The following MYH11 variants were observed in gnomAD, a reference collection of about 807,000 sequenced individuals.
MYH11 encodes the protein myosin heavy chain 11.
MYH11 carries 80 observed loss-of-function variants against 246.6 expected under a neutral mutation model. The observed-to-expected ratio is 0.32, with a 90% CI of 0.27 to 0.39. The LOEUF (loss-of-function observed/expected upper bound fraction) is 0.39. Among genes scored for constraint, MYH11 ranks in the 10% least tolerant of loss-of-function variants. The pLI, the probability that MYH11 is intolerant of heterozygous loss-of-function variation, is 1.00. For synonymous variants in MYH11, 1,071 were observed against 1,015.5 expected (o/e 1.05, Z -1.04); for missense variants, 2,158 against 2,546.8 (o/e 0.85, Z 3.29).
intron 4 of MYH11, chr16:15,791,459 G>A (rs1006983639): frequency 1.3e-5 from 2 of 152,002 alleles, no homozygotes; most frequent in African/African-American, 2.4e-5. Context: ...ACTCCTACAC[G>A]TCCTGCAAAA....
intron 3 of MYH11, among the ~76,000 whole-genome samples, chr16:15,800,376 G>GTGGT (rs1335890222): frequency 5.9e-5 from 9 of 151,884 alleles, no homozygotes; most frequent in African/African-American, 1.9e-4. Context: ...GGGTGGGTGG[G>GTGGT]TAGGTGGACG....
intron 40 of MYH11, 56 bp downstream of exon 40, chr16:15,714,853 C>T: frequency 2.5e-6 from 4 of 1,606,490 alleles, no homozygotes. Flanking sequence ...GCCCGAGCCC[C>T]CAGTGCTTTT....
chr16:15,708,916 G>T, intron 40 of MYH11: 1 of 1,387,264 alleles, frequency 7.2e-7, no homozygotes, highest in Non-Finnish European at 1.0e-6. Flanking sequence ...ATTCTTAATT[G>T]TTAAAGACAT....
chr16:15,850,351 C>T (rs1276318022), intron 1 of MYH11, among the ~76,000 whole-genome samples: 1 of 152,076 alleles, frequency 6.6e-6, no homozygotes, highest in Non-Finnish European at 1.5e-5. Flanking sequence ...CATCACTGCA[C>T]TCCAGCCTGG....
intron 2 of MYH11, among the ~76,000 whole-genome samples, chr16:15,827,631 G>A (rs1398476752): frequency 2.0e-5 from 3 of 152,180 alleles, no homozygotes; most frequent in Non-Finnish European, 4.4e-5. Flanking sequence ...TGAGTCCGGG[G>A]AACCCCCTTT....
At chr16:15,843,686 T>G (rs1252851183) in intron 1 of MYH11, among the ~76,000 whole-genome samples, 1 of 136,322 alleles carries the variant, frequency 7.3e-6, no homozygotes, top group Non-Finnish European at 1.6e-5. Context: ...GACGACAGAG[T>G]GAGACTCCGT....
Position 15,823,376 on chromosome 16 carries a change from G to C in MYH11, c.381C>G (p.Pro127=), listed in dbSNP as rs765679829. 6.2e-7 allele frequency: 1 copy of C among 1,614,146 alleles called. No homozygotes were observed. The highest frequency in any genetic ancestry group is 8.5e-7 in the Non-Finnish European group (1 of 1,180,046). The change falls in exon 3 of 41, where the codon CCC becomes CCG. Residue 127 remains proline, a synonymous_variant. Coordinates refer to ENST00000300036, the MANE Select transcript of MYH11 (RefSeq NM_002474.3). ...YSGLFCVVVN[P]YKHLPIYSEK... ...CCGAGTAGATGGGCAGGTGTTTATAGGGGTTGACCACCACGCAGAAGAGGC... is the reference window on the plus strand; with the variant it reads ...CCGAGTAGATGGGCAGGTGTTTATACGGGTTGACCACCACGCAGAAGAGGC...
At chr16:15,756,225 A>G in intron 14 of MYH11, 116 bp downstream of exon 14, 1 of 1,148,780 alleles carries the variant, frequency 8.7e-7, no homozygotes, top group Non-Finnish European at 1.3e-6. Context: ...GCTTAGCAGC[A>G]GATGGCTTTG....
chr16:15,810,654 C>A (rs1294769631), intron 3 of MYH11, among the ~76,000 whole-genome samples: 1 of 152,206 alleles, frequency 6.6e-6, no homozygotes, highest in Admixed American at 6.5e-5. Context: ...ACTGCCTCTG[C>A]AGAGAAACAG....
intron 23 of MYH11, among the ~76,000 whole-genome samples, 195 bp downstream of exon 23, chr16:15,739,856 C>T (rs1453507692): frequency 6.6e-6 from 1 of 152,152 alleles, no homozygotes; most frequent in Non-Finnish European, 1.5e-5. Flanking sequence ...ATTCTCCTGC[C>T]TCAGCCTCCC....
At chr16:15,827,410 C>T (rs1048211108) in intron 2 of MYH11, among the ~76,000 whole-genome samples, 6 of 152,148 alleles carry the variant, frequency 3.9e-5, no homozygotes, top group East Asian at 1.9e-4. Flanking sequence ...ACACGGGGTC[C>T]GTGGGGGTGA....
At chr16:15,802,331 T>C (rs2042907511) in intron 3 of MYH11, among the ~76,000 whole-genome samples, 1 of 152,188 alleles carries the variant, frequency 6.6e-6, no homozygotes, top group Non-Finnish European at 1.5e-5. Flanking sequence ...ATTGCCTCCA[T>C]TTTACAAATA....
At chr16:15,743,392 C>T (rs2041329683) in intron 20 of MYH11, among the ~76,000 whole-genome samples, 1 of 152,180 alleles carries the variant, frequency 6.6e-6, no homozygotes, top group Non-Finnish European at 1.5e-5. Flanking sequence ...TGGTTTCGAA[C>T]TCGTGAACCC....
chr16:15,721,457 C>A lies in MYH11; in HGVS notation c.4543G>T (p.Asp1515Tyr). 1 of 1,614,224 alleles carries A rather than the reference C, an allele frequency of 6.2e-7. No homozygotes were observed. The highest frequency in any genetic ancestry group is 8.5e-7 in the Non-Finnish European group (1 of 1,180,044). ...ACGTCATCCTTGGAGCTGACCAGGT[C>A]TTCCATTTCGGCTTTGAGCATTTTG... Reference protein sequence around the residue: ...TNKMLKAEMEDLVSSKDDVGK... With the variant: ...TNKMLKAEMEYLVSSKDDVGK... The change falls in exon 32 of 41, where the codon GAC becomes TAC. Residue 1515 changes from aspartate (D) to tyrosine (Y), a missense_variant. Asp to Tyr is a radical substitution (Grantham distance 160). Around this residue, in one of 11 missense-constraint regions of MYH11, gnomAD observed 1,013 missense variants for 993.5 expected, o/e 1.02. Coordinates refer to ENST00000300036, the MANE Select transcript of MYH11 (RefSeq NM_002474.3).
chr16:15,718,270 G>A (rs1596709023), intron 37 of MYH11, 45 bp downstream of exon 37: 2 of 1,604,942 alleles, frequency 1.2e-6, no homozygotes, highest in Non-Finnish European at 8.5e-7. Context: ...CCTGCTGCAG[G>A]AGAGACAGTA....
chr16:15,720,709 G>T, intron 33 of MYH11, 130 bp downstream of exon 33: 1 of 1,034,270 alleles, frequency 9.7e-7, no homozygotes, highest in Non-Finnish European at 1.5e-6. Context: ...CTCCAGCCTG[G>T]GCGACAGAGC....
intron 1 of MYH11, among the ~76,000 whole-genome samples, chr16:15,846,587 G>T (rs1005856813): frequency 6.6e-6 from 1 of 152,130 alleles, no homozygotes. Context: ...CATGGCTCAC[G>T]CCTGTAATCC....
rs143266779 is a variant in MYH11 at position 15,777,132 on chromosome 16, C to T, written c.791-956G>A. 2.6e-4 allele frequency among the ~76,000 whole-genome samples: 39 copies of T among 152,148 alleles called. 1 individual carries two copies. In the East Asian group the frequency reaches 6.2e-3, roughly 24 times the overall value. On this transcript the variant is annotated intron_variant, in intron 7 of 40. Coordinates refer to ENST00000300036, the MANE Select transcript of MYH11 (RefSeq NM_002474.3). ...ACACACACACACACACACACACGCA[C>T]GTATGTTTGAGCCAGAGTCTCGCTC...
At chr16:15,762,314 A>C (rs2041886153) in intron 10 of MYH11, among the ~76,000 whole-genome samples, 1 of 152,152 alleles carries the variant, frequency 6.6e-6, no homozygotes, top group African/African-American at 2.4e-5. Flanking sequence ...CCTTTCCCAA[A>C]ACAAACCCCC....
Sources: allele counts gnomAD v4.1 joint callset (sites outside exome capture counted in the v4.1 genomes callset), GRCh38; gene constraint gnomAD v4.1.1; regional missense constraint gnomAD v4.1.1; transcripts MANE v1.5; gene names NCBI Gene and HGNC (gene_info 2026-07-23, HGNC 2026-07-21).